Variants in PLK4 observed in about 807,000 individuals in gnomAD.
The protein encoded by PLK4 is polo like kinase 4.
A neutral mutation model predicts 103.0 loss-of-function variants in PLK4; 51 were observed. The observed-to-expected ratio is 0.50, with a 90% CI of 0.40 to 0.63. The LOEUF is 0.63. Among genes scored for constraint, PLK4 ranks in the 20% least tolerant of loss-of-function variants. The pLI is 0.00. For missense variants in PLK4, 1,054 were observed against 1,151.0 expected, an observed-to-expected ratio of 0.92 and a Z score of 1.22; for synonymous variants, 389 against 376.8, an observed-to-expected ratio of 1.03 and a Z score of -0.38.
At position 127,898,602 on chromosome 4, in the gene PLK4, AG is replaced by A. The variant is rs1735665646; in HGVS notation, c.*62del. The A allele has an allele frequency of 1.2e-6, 1 of 818,686 alleles. No individual in the cohort carries two copies. Among genetic ancestry groups the A allele is most frequent in the Non-Finnish European group, 2.0e-6 (1 of 493,044 alleles). The allele number at this position is 818,686 out of a possible 1,614,324, so 50.7% of individuals were successfully genotyped here. ...AACTTTTTTGTTGACTTTCAAGTAA[AG>A]TGATTTTTTTTAATTTAACATAAAG... On this transcript the variant is annotated 3_prime_UTR_variant, in exon 16 of 16. Transcript: ENST00000270861.
chr4:127,891,891 T>C, intron 9 of PLK4: 1 of 300,864 alleles, frequency 3.3e-6, no homozygotes. Context: ...TATATTCTAT[T>C]TAAAAACTAA....
In PLK4 at chr4:127,889,887, A is replaced by G; in HGVS notation, c.1481A>G (p.Glu494Gly). 6.2e-7 allele frequency: 1 copy of G among 1,605,798 alleles called. No individual in the cohort carries two copies. The highest frequency in any genetic ancestry group is 1.7e-4 in the Middle Eastern group (1 of 5,976). ...GTAGCTCATTTAAGAAAAACTACTG[A>G]ATATGACAGCATCAGCCCAAACCGG... is the stretch of plus-strand genomic sequence containing the variant. ...QINAHLRKTT[E>G]YDSISPNRDF... The change falls in exon 7 of 16, where the codon GAA (glutamate) becomes GGA (glycine). Residue 494 changes from glutamate (E) to glycine (G), a missense_variant. This residue lies in a region of PLK4 where 680 missense variants were observed against 660.3 expected (regional missense o/e 1.03). Transcript: ENST00000270861.
intron 13 of PLK4, among the ~76,000 whole-genome samples, chr4:127,894,663 G>A (rs1735494832): frequency 1.3e-5 from 2 of 152,056 alleles, no homozygotes; most frequent in South Asian, 4.1e-4. Flanking sequence ...CAACATTAAA[G>A]AAATAGGTGT....
chr4:127,890,249 T>C lies in PLK4; in HGVS notation c.1830+13T>C. On this transcript the variant is annotated intron_variant, in intron 7 of 15. Coordinates refer to ENST00000270861, the MANE Select transcript of PLK4 (RefSeq NM_014264.5). Reference sequence around the variant, plus strand: ...CAAAAAGGCTGTGGTATGTCTGTTATCTTCTTAAGTTACTAAATAACATTT... The same window carrying C: ...CAAAAAGGCTGTGGTATGTCTGTTACCTTCTTAAGTTACTAAATAACATTT... The C allele has an allele frequency of 6.4e-7, 1 of 1,560,284 alleles. No individual in the cohort carries two copies. The highest frequency in any genetic ancestry group is 8.7e-7 in the Non-Finnish European group (1 of 1,154,404).
At chr4:127,884,353 A>G (rs1735037293) in intron 4 of PLK4, among the ~76,000 whole-genome samples, 2 of 152,374 alleles carry the variant, frequency 1.3e-5, no homozygotes, top group South Asian at 2.1e-4. Context: ...TTGGAAAACA[A>G]TTCGGACATA....
At chr4:127,881,721 A>C in intron 1 of PLK4, 110 bp from the exon 2 acceptor site, 1 of 709,732 alleles carries the variant, frequency 1.4e-6, no homozygotes, top group Non-Finnish European at 2.5e-6. Flanking sequence ...TACCCGCTTG[A>C]ATTTTGTCAA....
intron 10 of PLK4, 143 bp from the exon 11 acceptor site, chr4:127,893,142 G>A (rs960187339): frequency 1.2e-5 from 6 of 502,104 alleles, no homozygotes; most frequent in East Asian, 6.7e-5. Context: ...TGCTTTGATA[G>A]TCTCATTTTA....
At chr4:127,893,024 C>A (rs1000967421) in intron 10 of PLK4, among the ~76,000 whole-genome samples, 8 of 151,888 alleles carry the variant, frequency 5.3e-5, no homozygotes, top group African/African-American at 1.9e-4. Flanking sequence ...TTATAGCTAT[C>A]CTTCAATTAT....
intron 15 of PLK4, among the ~76,000 whole-genome samples, chr4:127,897,245 G>A (rs1028985013): frequency 1.3e-5 from 2 of 151,970 alleles, no homozygotes; most frequent in African/African-American, 4.8e-5. Flanking sequence ...TTACTTAAAA[G>A]AACAGAAAAA....
intron 13 of PLK4, among the ~76,000 whole-genome samples, chr4:127,894,587 A>G (rs1314325098): frequency 6.6e-6 from 1 of 152,146 alleles, no homozygotes; most frequent in Non-Finnish European, 1.5e-5. Flanking sequence ...TGATAGACTC[A>G]TGATTAAATT....
rs768967661 is a variant in PLK4, at chr4:127,894,933, C to T, written c.2563-20C>T. Reference sequence around the variant, plus strand: ...AAAAATGCTGAGGAATAATATCTTCCTGTCCTTTATTCTTTGTAGATGGTT... The same window carrying T: ...AAAAATGCTGAGGAATAATATCTTCTTGTCCTTTATTCTTTGTAGATGGTT... On this transcript the variant is annotated intron_variant, in intron 13 of 15. Coordinates refer to ENST00000270861, the MANE Select transcript of PLK4 (RefSeq NM_014264.5). 3 of 1,472,534 alleles carry T rather than the reference C, an allele frequency of 2.0e-6. No homozygotes were observed. Among genetic ancestry groups the T allele is most frequent in the Non-Finnish European group, 2.7e-6 (3 of 1,099,470 alleles). The allele number at this position is 1,472,534 out of a possible 1,614,324, so 91.2% of individuals were successfully genotyped here. A position where few individuals can be genotyped will look rare whatever the true frequency, so the allele number is the denominator to read the frequency against.
At position 127,893,247 on chromosome 4, in the gene PLK4, AAGGAT is replaced by A. The variant is rs1432517990; in HGVS notation, c.2189-36_2189-32del. The A allele has an allele frequency of 9.3e-6, 12 of 1,294,482 alleles. No homozygotes were observed. In the Admixed American group the frequency reaches 2.8e-4, roughly 30 times the overall value. 80.2% of individuals were successfully genotyped at this position (1,294,482 alleles called of 1,614,324 possible). A position where few individuals can be genotyped will look rare whatever the true frequency, so the allele number is the denominator to read the frequency against. On this transcript the variant is annotated intron_variant, in intron 10 of 15. Transcript: ENST00000270861. ...ATATAAATCTAGGAATATTTTTAAA[AAGGAT>A]AAGAGAACAGTTTTCTGATTTTTTT...
In PLK4 at chr4:127,892,405, A is replaced by G. The variant is rs761144682; in HGVS notation, c.2079A>G (p.Val693=). 7.6e-6 allele frequency: 12 copies of G among 1,581,146 alleles called. No individual in the cohort carries two copies. Among genetic ancestry groups the G allele is most frequent in the Non-Finnish European group, 8.6e-6 (10 of 1,168,030 alleles). The change falls in exon 10 of 16, where the codon GTA becomes GTG. Residue 693 remains valine, a synonymous_variant. Coordinates refer to ENST00000270861, the MANE Select transcript of PLK4 (RefSeq NM_014264.5). ...AATATCAATATGCTTCCAGGTTTGT[A>G]CAGCTTGTAAGATCTAAATCTCCCA... is the stretch of plus-strand genomic sequence containing the variant. ...WRKYQYASRF[V]QLVRSKSPKI...
At chr4:127,893,158 A>C in intron 10 of PLK4, 127 bp from the exon 11 acceptor site, 1 of 513,044 alleles carries the variant, frequency 1.9e-6, no homozygotes, top group East Asian at 3.3e-5. Flanking sequence ...TTTTATTAAT[A>C]GTCAATAAAT....
At position 127,898,670 on chromosome 4, in the gene PLK4, G is replaced by T; in HGVS notation, c.*129G>T. ...CTATGAAAGAATTTTAACCTATAAT[G>T]TAAAGGATGTATTCTGAGAGAACAA... On this transcript the variant is annotated 3_prime_UTR_variant, in exon 16 of 16. Transcript: ENST00000270861. 1.7e-6 allele frequency: 1 copy of T among 593,940 alleles called. No homozygotes were observed. Among genetic ancestry groups the T allele is most frequent in the Non-Finnish European group, 3.0e-6 (1 of 337,158 alleles). The allele number at this position is 593,940 out of a possible 1,614,324, so 36.8% of individuals were successfully genotyped here.
intron 6 of PLK4, among the ~76,000 whole-genome samples, chr4:127,888,177 CA>C (rs58491426): frequency 4.8e-4 from 16 of 33,236 alleles, no homozygotes; most frequent in African/African-American, 5.9e-4. Context: ...TAGACTGTCT[CA>C]AAAAAAAAAA....
Position 127,886,122 on chromosome 4 carries a change from C to A in PLK4, c.752C>A (p.Ala251Glu), listed in dbSNP as rs759414046. Reference protein sequence around the residue: ...LIHQLLRRNPADRLSLSSVLD... With the variant: ...LIHQLLRRNPEDRLSLSSVLD... Reference sequence around the variant, plus strand: ...CACCAGTTACTTCGTAGAAATCCAGCAGATCGTTTAAGTCTGTCTTCAGTA... The same window carrying A: ...CACCAGTTACTTCGTAGAAATCCAGAAGATCGTTTAAGTCTGTCTTCAGTA... The change falls in exon 5 of 16, where the codon GCA becomes GAA. Residue 251 changes from alanine (A) to glutamate (E), a missense_variant. Transcript: ENST00000270861. 33 of 1,614,036 alleles carry A rather than the reference C, an allele frequency of 2.0e-5. 1 individual carries two copies. In the South Asian group the frequency reaches 3.3e-4, roughly 16 times the overall value.
At chr4:127,890,359 A>T (rs1735308745) in intron 7 of PLK4, 123 bp downstream of exon 7, 1 of 610,760 alleles carries the variant, frequency 1.6e-6, no homozygotes, top group East Asian at 3.0e-5. Flanking sequence ...GATCAACTTT[A>T]TTAAAGAGAA....
intron 14 of PLK4, 107 bp downstream of exon 14, chr4:127,895,200 T>C (rs1735517272): frequency 1.3e-6 from 1 of 771,934 alleles, no homozygotes; most frequent in Admixed American, 3.1e-5. Context: ...GATATCTTTT[T>C]ACAAGGAAGT....
Sources: gnomAD v4.1 joint callset for allele counts (sites outside exome capture counted in the v4.1 genomes callset) on GRCh38, gnomAD v4.1.1 for gene constraint, gnomAD v4.1.1 regional missense constraint, MANE v1.5 for transcripts, NCBI Gene and HGNC (gene_info 2026-07-23, HGNC 2026-07-21) for gene names.